PIM3: variants seen among roughly 807,000 people sequenced by gnomAD.
PIM3 encodes the protein serine/threonine-protein kinase pim-3.
Under a neutral mutation model 27.5 loss-of-function variants are expected in PIM3, and 13 were observed. The ratio of observed to expected loss-of-function variants is 0.47; its 90% confidence interval spans 0.31 to 0.75. PIM3 has a LOEUF of 0.75. Among genes scored for constraint, PIM3 ranks in the 30% least tolerant of loss-of-function variants. The pLI is 0.05. For synonymous variants in PIM3, 341 were observed against 221.1 expected (o/e 1.54, Z -4.81); for missense variants, 482 against 476.9 (o/e 1.01, Z -0.10).
At chr22:49,962,606 A>C in intron 4 of PIM3, 83 bp from the exon 5 acceptor site, 1 of 1,439,138 alleles carries the variant, frequency 6.9e-7, no homozygotes, top group Non-Finnish European at 9.4e-7. Context: ...TACTGAGGCC[A>C]GGGAGTTAAC....
rs894707543 is a variant in PIM3 at position 49,962,632 on chromosome 22, C to G, written c.617-57C>G. On this transcript the variant is annotated intron_variant, in intron 4 of 5. Coordinates refer to ENST00000360612, the MANE Select transcript of PIM3 (RefSeq NM_001001852.4). ...GGGAGTTAACCAGCAGGGACCTCGCCGTCTGTTGAGCGGCTCTGCCTCTGT... is the reference window on the plus strand; with the variant it reads ...GGGAGTTAACCAGCAGGGACCTCGCGGTCTGTTGAGCGGCTCTGCCTCTGT... 9.8e-6 allele frequency: 15 copies of G among 1,538,314 alleles called. No homozygotes were observed. The African/African-American group carries it at 2.1e-4, about 21-fold the overall frequency.
chr22:49,962,668 C>T (rs2060914892), intron 4 of PIM3, 21 bp from the exon 5 acceptor site: 1 of 1,600,030 alleles, frequency 6.2e-7, no homozygotes, highest in Non-Finnish European at 8.5e-7. Context: ...GGTGGGCGTG[C>T]TAAGCCCTGT....
intron 4 of PIM3, among the ~76,000 whole-genome samples, chr22:49,962,186 C>T (rs954888486): frequency 6.6e-6 from 1 of 151,862 alleles, no homozygotes; most frequent in African/African-American, 2.4e-5. Flanking sequence ...CGCCGGGAGC[C>T]TGGAGGCCCC....
chr22:49,963,158 C>T lies in PIM3; in HGVS notation c.*31C>T. On this transcript the variant is annotated 3_prime_UTR_variant, in exon 6 of 6. Coordinates refer to ENST00000360612, the MANE Select transcript of PIM3 (RefSeq NM_001001852.4). The stretch of plus-strand genomic sequence containing the variant: ...TGCACCTGACTGGGAGCTAGGGGAC[C>T]ACCTGCCTTGGCCAGACCTGGGACG... 6.5e-7 allele frequency: 1 copy of T among 1,539,260 alleles called. No homozygotes were observed. The highest frequency in any genetic ancestry group is 8.8e-7 in the Non-Finnish European group (1 of 1,139,884).
Position 49,960,889 on chromosome 22 carries a change from C to T in PIM3, c.-59C>T, listed in dbSNP as rs887446561. On this transcript the variant is annotated 5_prime_UTR_variant, in exon 1 of 6. Transcript: ENST00000360612. The stretch of plus-strand genomic sequence containing the variant: ...CGGTGTCCCCGGCGCGCCGCTCGCC[C>T]GGATCGGCCGCGGCTTCGGCGCCTG... 7.5e-5 allele frequency: 86 copies of T among 1,153,020 alleles called. 1 individual carries two copies. Among genetic ancestry groups the T allele is most frequent in the Non-Finnish European group, 9.6e-6 (9 of 938,330 alleles). 71.4% of individuals were successfully genotyped at this position (1,153,020 alleles called of 1,614,324 possible). A position where few individuals can be genotyped will look rare whatever the true frequency, so the allele number is the denominator to read the frequency against.
In PIM3 at chr22:49,961,609, G is replaced by A; in HGVS notation, c.414G>A (p.Glu138=). 1 of 1,550,104 alleles carries A rather than the reference G, an allele frequency of 6.5e-7. No individual in the cohort carries two copies. Among genetic ancestry groups the A allele is most frequent in the Non-Finnish European group, 8.7e-7 (1 of 1,147,808 alleles). Residue 138 remains glutamate (E), a synonymous_variant, in exon 4 of 6, where the codon GAG becomes GAA. Coordinates refer to ENST00000360612, the MANE Select transcript of PIM3 (RefSeq NM_001001852.4). ...AGGACCTCTTCGACTTTATCACGGA[G>A]CGCGGCGCCCTGGACGAGCCGCTGG... ...PAQDLFDFIT[E]RGALDEPLAR...
intron 4 of PIM3, 102 bp from the exon 5 acceptor site, chr22:49,962,587 G>T (rs918100575): frequency 7.6e-7 from 1 of 1,316,142 alleles, no homozygotes; most frequent in African/African-American, 1.5e-5. Flanking sequence ...GCCTGGCTCT[G>T]CTTCCTGTTA....
In PIM3 at chr22:49,961,501, C is replaced by T. The variant is rs1424828734; in HGVS notation, c.306C>T (p.Gly102=). ...TGCGCAAGGTGGGCGCGGCGGGCGG[C>T]GCGCGCGGCGTCATCCGCCTGCTGG... is the stretch of plus-strand genomic sequence containing the variant. The part of the protein sequence containing the change: ...VLLRKVGAAG[G]ARGVIRLLDW... The change falls in exon 4 of 6, where the codon GGC becomes GGT. Residue 102 remains glycine (G), a synonymous_variant. Transcript: ENST00000360612. 1.7e-5 allele frequency: 25 copies of T among 1,496,060 alleles called. No homozygotes were observed. Among genetic ancestry groups the T allele is most frequent in the Non-Finnish European group, 2.1e-5 (24 of 1,126,580 alleles). 92.7% of individuals were successfully genotyped at this position (1,496,060 alleles called of 1,614,324 possible). A position where few individuals can be genotyped will look rare whatever the true frequency, so the allele number is the denominator to read the frequency against.
chr22:49,961,613 G>C lies in PIM3; in HGVS notation c.418G>C (p.Gly140Arg), dbSNP rs904003087. The change falls in exon 4 of 6, where the codon GGC becomes CGC. Residue 140 changes from glycine (G) to arginine (R), a missense_variant. Physicochemically the swap from Gly to Arg is moderately radical, Grantham distance 125. Transcript: ENST00000360612. ...CCTCTTCGACTTTATCACGGAGCGC[G>C]GCGCCCTGGACGAGCCGCTGGCGCG... ...QDLFDFITERGALDEPLARRF... is the reference protein window; with the variant it reads ...QDLFDFITERRALDEPLARRF... The C allele has an allele frequency of 1.9e-6, 3 of 1,550,620 alleles. No individual in the cohort carries two copies. Among genetic ancestry groups the C allele is most frequent in the Non-Finnish European group, 2.6e-6 (3 of 1,148,150 alleles).
chr22:49,961,543 C>T lies in PIM3; in HGVS notation c.348C>T (p.Pro116=). The T allele has an allele frequency of 1.9e-6, 3 of 1,544,574 alleles. No individual in the cohort carries two copies. Among genetic ancestry groups the T allele is most frequent in the South Asian group, 2.4e-5 (2 of 83,798 alleles). The part of the protein sequence containing the change: ...VIRLLDWFER[P]DGFLLVLERP... The stretch of plus-strand genomic sequence containing the variant: ...GCCTGCTGGACTGGTTCGAGCGGCC[C>T]GACGGCTTCCTGCTGGTGCTGGAGC... The change falls in exon 4 of 6, where the codon CCC becomes CCT. Residue 116 remains proline (P), a synonymous_variant. Transcript: ENST00000360612.
At position 49,962,959 on chromosome 22, in the gene PIM3, G is replaced by A. The variant is rs745885702; in HGVS notation, c.813G>A (p.Arg271=). Residue 271 remains arginine (R), a synonymous_variant, in exon 6 of 6, where the codon CGG becomes CGA. Coordinates refer to ENST00000360612, the MANE Select transcript of PIM3 (RefSeq NM_001001852.4). ...GCACAGAGTGCCAGCAGCTGATCCGGTGGTGCCTGTCCCTGCGGCCCTCAG... is the reference window on the plus strand; with the variant it reads ...GCACAGAGTGCCAGCAGCTGATCCGATGGTGCCTGTCCCTGCGGCCCTCAG... ...RVSPECQQLI[R]WCLSLRPSER... 1 of 1,607,540 alleles carries A rather than the reference G, an allele frequency of 6.2e-7. No individual in the cohort carries two copies. Among genetic ancestry groups the A allele is most frequent in the Non-Finnish European group, 8.5e-7 (1 of 1,179,186 alleles).
chr22:49,962,376 G>A (rs1364895956), intron 4 of PIM3, among the ~76,000 whole-genome samples: 1 of 144,414 alleles, frequency 6.9e-6, no homozygotes, highest in Non-Finnish European at 1.5e-5. Flanking sequence ...GCAGGCAGGC[G>A]CGCCGGGCGG....
intron 4 of PIM3, 100 bp from the exon 5 acceptor site, chr22:49,962,589 T>G (rs1325538515): frequency 1.5e-6 from 2 of 1,334,106 alleles, no homozygotes; most frequent in African/African-American, 3.0e-5. Context: ...CTGGCTCTGC[T>G]TCCTGTTACT....
intron 4 of PIM3, 140 bp from the exon 5 acceptor site, chr22:49,962,549 C>T (rs1019876476): frequency 3.4e-6 from 3 of 890,954 alleles, no homozygotes; most frequent in Non-Finnish European, 3.2e-6. Flanking sequence ...CGGGGTTTTT[C>T]CAGGGTGATG....
chr22:49,963,315 G>A lies in PIM3; in HGVS notation c.*188G>A, dbSNP rs1409022678. 1 of 661,438 alleles carries A rather than the reference G, an allele frequency of 1.5e-6. No homozygotes were observed. The highest frequency in any genetic ancestry group is 2.4e-6 in the Non-Finnish European group (1 of 408,412). 41.0% of individuals were successfully genotyped at this position (661,438 alleles called of 1,614,324 possible). On this transcript the variant is annotated 3_prime_UTR_variant, in exon 6 of 6. Coordinates refer to ENST00000360612, the MANE Select transcript of PIM3 (RefSeq NM_001001852.4). The stretch of plus-strand genomic sequence containing the variant: ...GCGGGACTTGGTTTTCTCAAGCTCT[G>A]TCTGTCCAAAGACGCTCCGGTCGAG...
At position 49,962,925 on chromosome 22, in the gene PIM3, C is replaced by T. The variant is rs1471569914; in HGVS notation, c.794-15C>T. ...GCCCTGCTTGGGCCCTCCCTGACCTCTCCGCTCCGCACAGAGTGCCAGCAG... is the reference window on the plus strand; with the variant it reads ...GCCCTGCTTGGGCCCTCCCTGACCTTTCCGCTCCGCACAGAGTGCCAGCAG... On this transcript the variant is annotated splice_polypyrimidine_tract_variant and intron_variant, in intron 5 of 5. Transcript: ENST00000360612. The T allele has an allele frequency of 1.3e-6, 2 of 1,599,788 alleles. No homozygotes were observed. The highest frequency in any genetic ancestry group is 1.7e-6 in the Non-Finnish European group (2 of 1,176,136).
Position 49,961,561 on chromosome 22 carries a change from G to T in PIM3, c.366G>T (p.Val122=). Residue 122 remains valine, a synonymous_variant, in exon 4 of 6, where the codon GTG becomes GTT. Transcript: ENST00000360612. ...WFERPDGFLL[V]LERPEPAQDL... ...AGCGGCCCGACGGCTTCCTGCTGGT[G>T]CTGGAGCGGCCCGAGCCGGCGCAGG... The T allele has an allele frequency of 6.5e-7, 1 of 1,546,178 alleles. No homozygotes were observed.
chr22:49,961,878 G>T, intron 4 of PIM3, 67 bp downstream of exon 4: 1 of 1,580,574 alleles, frequency 6.3e-7, no homozygotes, highest in Non-Finnish European at 8.6e-7. Flanking sequence ...CTGCAGGGGC[G>T]GCACATGGAG....
At chr22:49,961,889 G>A in intron 4 of PIM3, 78 bp downstream of exon 4, 1 of 1,569,362 alleles carries the variant, frequency 6.4e-7, no homozygotes, top group Non-Finnish European at 8.6e-7. Context: ...GCACATGGAG[G>A]GGCTGATGAC....
Sources: gnomAD v4.1 joint callset for allele counts (sites outside exome capture counted in the v4.1 genomes callset) on GRCh38, gnomAD v4.1.1 for gene constraint, MANE v1.5 for transcripts, NCBI Gene and HGNC (gene_info 2026-07-23, HGNC 2026-07-21) for gene names.